Variants in UNC13C observed in about 807,000 individuals in gnomAD.
UNC13C encodes the protein unc-13 homolog C, also known as protein unc-13 homolog C.
Under a neutral mutation model 245.4 loss-of-function variants are expected in UNC13C, and 174 were observed. The ratio of observed to expected loss-of-function variants is 0.71; its 90% CI spans 0.63 to 0.80. The LOEUF is 0.80. Ranked by LOEUF, UNC13C falls within the 30% of genes least tolerant of loss-of-function variation. The pLI is 0.00. For missense variants in UNC13C, 2,829 were observed against 2,602.9 expected (o/e 1.09, Z -1.89); for synonymous variants, 992 against 895.1 (o/e 1.11, Z -1.93).
chr15:54,303,966 G>C (rs1178212117), intron 13 of UNC13C, among the ~76,000 whole-genome samples: 1 of 152,022 alleles, frequency 6.6e-6, no homozygotes, highest in Non-Finnish European at 1.5e-5. Flanking sequence ...TGACCTGCAG[G>C]TATATTGGGT....
chr15:54,018,631 T>G (rs546347449), intron 2 of UNC13C, among the ~76,000 whole-genome samples: 1 of 152,284 alleles, frequency 6.6e-6, no homozygotes, highest in East Asian at 1.9e-4. Context: ...GCTGTCTTGA[T>G]TCCTACACCA....
chr15:54,617,575 C>T (rs1053596994), intron 30 of UNC13C, among the ~76,000 whole-genome samples: 2 of 152,062 alleles, frequency 1.3e-5, no homozygotes, highest in African/African-American at 4.8e-5. Flanking sequence ...AGCACAATGC[C>T]TGGCATACAT....
At chr15:54,473,558 A>G (rs890901924) in intron 19 of UNC13C, among the ~76,000 whole-genome samples, 1 of 151,726 alleles carries the variant, frequency 6.6e-6, no homozygotes, top group Non-Finnish European at 1.5e-5. Context: ...CTCTAACTCC[A>G]TGAAATCAGC....
At chr15:54,528,003 C>CTTCT (rs1195845123) in intron 25 of UNC13C, among the ~76,000 whole-genome samples, 3 of 151,940 alleles carry the variant, frequency 2.0e-5, no homozygotes, top group Non-Finnish European at 4.4e-5. Context: ...TTCTTAAGGT[C>CTTCT]TAAATTGGCA....
intron 13 of UNC13C, among the ~76,000 whole-genome samples, chr15:54,311,608 C>G (rs1226508144): frequency 1.3e-5 from 2 of 151,482 alleles, no homozygotes; most frequent in Non-Finnish European, 3.0e-5. Context: ...ACTTATGCAC[C>G]AAGATCATTT....
At chr15:54,029,200 G>A (rs141823603) in intron 2 of UNC13C, among the ~76,000 whole-genome samples, 1 of 152,284 alleles carries the variant, frequency 6.6e-6, no homozygotes, top group East Asian at 1.9e-4. Flanking sequence ...TTCAGTTATT[G>A]ATGTTTTCAT....
intron 30 of UNC13C, among the ~76,000 whole-genome samples, chr15:54,599,401 T>C (rs771986832): frequency 3.3e-5 from 5 of 152,100 alleles, no homozygotes; most frequent in Non-Finnish European, 5.9e-5. Flanking sequence ...TCCTTTGAGT[T>C]TGTGTCTTGT....
the UNC13C span, among the ~76,000 whole-genome samples, chr15:53,880,934 T>C: frequency 3.3e-5 from 5 of 152,012 alleles, no homozygotes; most frequent in Non-Finnish European, 5.9e-5. Context: ...TGGAAGGCAA[T>C]AAAGAAGCAT....
intron 31 of UNC13C, among the ~76,000 whole-genome samples, 189 bp from the exon 32 acceptor site, chr15:54,623,606 T>C (rs1900938538): frequency 6.6e-6 from 1 of 152,202 alleles, no homozygotes; most frequent in African/African-American, 2.4e-5. Context: ...GCTACACAGC[T>C]TAAAGCTGAA....
At chr15:53,976,663 A>G (rs1893718484), upstream of UNC13C, 1 of 151,214 alleles carries the variant, frequency 6.6e-6, no homozygotes, top group Non-Finnish European at 1.5e-5. Flanking sequence ...TGTTTTATAG[A>G]CCGCTCATGG....
At chr15:54,186,856 T>TATATATATATATATATATATATATATA (rs1567079918) in intron 4 of UNC13C, among the ~76,000 whole-genome samples, 80 of 120,088 alleles carry the variant, frequency 6.7e-4, no homozygotes, top group Non-Finnish European at 9.7e-4. Flanking sequence ...TATATATATA[T>TATATATATATATATATATATATATATA]TTTGTTTTTT....
At chr15:54,105,635 G>GA (rs1900405749) in intron 2 of UNC13C, among the ~76,000 whole-genome samples, 1 of 123,834 alleles carries the variant, frequency 8.1e-6, no homozygotes, top group Admixed American at 9.4e-5. Flanking sequence ...AACTACACAT[G>GA]AAAAAAACAT....
intron 13 of UNC13C, among the ~76,000 whole-genome samples, chr15:54,318,145 AG>A (rs1166946530): frequency 6.6e-6 from 1 of 152,108 alleles, no homozygotes; most frequent in East Asian, 1.9e-4. Context: ...ATAGATACTT[AG>A]GTTGATTCTA....
intron 2 of UNC13C, among the ~76,000 whole-genome samples, chr15:54,083,955 C>T (rs559222843): frequency 6.6e-6 from 1 of 152,352 alleles, no homozygotes; most frequent in Admixed American, 6.5e-5. Flanking sequence ...CTACCTGGTC[C>T]TCTGTCCTCA....
In UNC13C at chr15:54,387,988, C is replaced by T. The variant is rs116553522; in HGVS notation, c.4714-5060C>T. Among the ~76,000 whole-genome samples the T allele has an allele frequency of 8.8e-3, 1,344 of 152,204 alleles. 18 individuals carry two copies. Among genetic ancestry groups the T allele is most frequent in the African/African-American group, 0.031 (1,290 of 41,522 alleles). ...ATACACACACACAAGCACACAAATT[C>T]TTTAAGTTCTGTTCAGAAATACCAC... On this transcript the variant is annotated intron_variant, in intron 17 of 32. Coordinates refer to ENST00000260323, the MANE Select transcript of UNC13C (RefSeq NM_001080534.3).
chr15:54,505,944 T>G (rs888676871), intron 22 of UNC13C, among the ~76,000 whole-genome samples: 1 of 152,100 alleles, frequency 6.6e-6, no homozygotes, highest in African/African-American at 2.4e-5. Context: ...TGAAGTAGAC[T>G]CAAGCTGTAG....
At chr15:54,195,408 T>G (rs1040461060) in intron 4 of UNC13C, among the ~76,000 whole-genome samples, 1 of 152,198 alleles carries the variant, frequency 6.6e-6, no homozygotes, top group African/African-American at 2.4e-5. Flanking sequence ...GAATAACATT[T>G]GTTTTGGAAA....
At chr15:53,983,158 C>T (rs995409026) in intron 1 of UNC13C, among the ~76,000 whole-genome samples, 2 of 152,060 alleles carry the variant, frequency 1.3e-5, no homozygotes, top group African/African-American at 2.4e-5. Context: ...ACTGCTACTT[C>T]GTTAACAAGA....
At chr15:54,310,540 G>A (rs1475956182) in intron 13 of UNC13C, among the ~76,000 whole-genome samples, 2 of 151,738 alleles carry the variant, frequency 1.3e-5, no homozygotes, top group Non-Finnish European at 2.9e-5. Flanking sequence ...TATTCAGAAA[G>A]GCATAGCATG....
Sources: gnomAD v4.1 joint callset for allele counts (sites outside exome capture counted in the v4.1 genomes callset) on GRCh38, gnomAD v4.1.1 for gene constraint, MANE v1.5 for transcripts, NCBI Gene and HGNC (gene_info 2026-07-23, HGNC 2026-07-21) for gene names.